KIF26B: variants seen among roughly 807,000 people sequenced by gnomAD.
KIF26B encodes kinesin-like protein KIF26B.
KIF26B carries 63 observed loss-of-function variants against 151.2 expected under a neutral mutation model. That is an observed-to-expected ratio of 0.42 (90% CI 0.34 to 0.51). KIF26B has a LOEUF of 0.51. KIF26B is among the 20% of genes least tolerant of loss of function. The pLI, the probability that KIF26B is intolerant of heterozygous loss-of-function variation, is 0.07. For missense variants in KIF26B, 2,813 were observed against 2,913.6 expected, an observed-to-expected ratio of 0.97 and a Z score of 0.79; for synonymous variants, 1,357 against 1,262.1, an observed-to-expected ratio of 1.08 and a Z score of -1.59.
At chr1:245,179,485 G>C (rs1219396497) in intron 2 of KIF26B, among the ~76,000 whole-genome samples, 1 of 152,076 alleles carries the variant, frequency 6.6e-6, no homozygotes, top group Non-Finnish European at 1.5e-5. Flanking sequence ...TTAGCCGGGC[G>C]TGGTGGTGCG....
chr1:245,381,807 A>G (rs1051730965), intron 3 of KIF26B, among the ~76,000 whole-genome samples: 17 of 150,704 alleles, frequency 1.1e-4, no homozygotes, highest in Admixed American at 2.7e-4. Flanking sequence ...TGTACCTCAT[A>G]TAAGTGGGAT....
intron 2 of KIF26B, among the ~76,000 whole-genome samples, chr1:245,251,472 T>C (rs2103565242): frequency 6.6e-6 from 1 of 152,350 alleles, no homozygotes; most frequent in South Asian, 2.1e-4. Context: ...CTTTATAATT[T>C]TAATATCATG....
At chr1:245,412,833 T>C (rs2103032621) in intron 3 of KIF26B, among the ~76,000 whole-genome samples, 1 of 152,324 alleles carries the variant, frequency 6.6e-6, no homozygotes, top group Non-Finnish European at 1.5e-5. Flanking sequence ...CTTTCACTGC[T>C]CGTTAATGGT....
At chr1:245,621,984 C>T (rs1441983470) in intron 9 of KIF26B, among the ~76,000 whole-genome samples, 1 of 152,174 alleles carries the variant, frequency 6.6e-6, no homozygotes, top group Non-Finnish European at 1.5e-5. Flanking sequence ...TGTACATTAT[C>T]CATTTTATTC....
At chr1:245,658,952 G>T (rs191783276) in intron 10 of KIF26B, among the ~76,000 whole-genome samples, 1 of 152,046 alleles carries the variant, frequency 6.6e-6, no homozygotes, top group African/African-American at 2.4e-5. Context: ...ATGATAGAGG[G>T]CACATGCAGT....
intron 4 of KIF26B, among the ~76,000 whole-genome samples, chr1:245,437,132 C>A (rs1297117711): frequency 1.3e-5 from 2 of 152,206 alleles, no homozygotes; most frequent in Non-Finnish European, 2.9e-5. Flanking sequence ...AGTGATCTGC[C>A]AGCCTTGGCC....
At chr1:245,189,799 A>G (rs1054135992) in intron 2 of KIF26B, among the ~76,000 whole-genome samples, 1 of 152,248 alleles carries the variant, frequency 6.6e-6, no homozygotes, top group African/African-American at 2.4e-5. Context: ...AGACTGGGTA[A>G]TTTATAAAGA....
intron 4 of KIF26B, among the ~76,000 whole-genome samples, chr1:245,514,217 C>T (rs988900674): frequency 6.6e-6 from 1 of 152,076 alleles, no homozygotes; most frequent in Non-Finnish European, 1.5e-5. Context: ...ATACAACTTC[C>T]ACTTGTCAGT....
Position 245,688,116 on chromosome 1 carries a change from C to A in KIF26B, c.5133C>A (p.Gly1711=), listed in dbSNP as rs1041278327. Residue 1711 remains glycine (G), a synonymous_variant, in exon 12 of 15, where the codon GGC becomes GGA. Transcript: ENST00000407071. ...GTMPRAGRSL[G]RSAGTSPPSS... is the part of the protein sequence containing the mutation. ...TGCCCCGCGCGGGGAGGAGCCTGGG[C>A]CGCAGCGCCGGGACCTCGCCCCCCA... 9 of 1,566,534 alleles carry A rather than the reference C, an allele frequency of 5.7e-6. No individual in the cohort carries two copies. In the African/African-American group the frequency reaches 1.2e-4, roughly 21 times the overall value.
Position 245,682,203 on chromosome 1 carries a change from C to T in KIF26B, c.2259-2030C>T, listed in dbSNP as rs112290692. ...GAGATTGCAGTGAGCCGAGATCGTG[C>T]CGTTGCACTCCAGCCTGGGCAACAG... On this transcript the variant is annotated intron_variant, in intron 10 of 14. Transcript: ENST00000407071. 8.5e-3 allele frequency among the ~76,000 whole-genome samples: 1,292 copies of T among 152,276 alleles called. 12 individuals carry two copies. The highest frequency in any genetic ancestry group is 0.03 in the African/African-American group (1,238 of 41,550).
chr1:245,354,853 G>T (rs1468114579), intron 2 of KIF26B, among the ~76,000 whole-genome samples: 1 of 152,230 alleles, frequency 6.6e-6, no homozygotes, highest in Admixed American at 6.5e-5. Context: ...TCAGAGGAGA[G>T]CACCTAGGCC....
intron 5 of KIF26B, among the ~76,000 whole-genome samples, chr1:245,578,873 G>A (rs1247665720): frequency 1.3e-5 from 2 of 152,160 alleles, no homozygotes; most frequent in African/African-American, 4.8e-5. Context: ...CTTTGTCTTA[G>A]TGATGCCAGA....
At chr1:245,657,848 G>T (rs1373580471) in intron 10 of KIF26B, among the ~76,000 whole-genome samples, 1 of 152,170 alleles carries the variant, frequency 6.6e-6, no homozygotes, top group East Asian at 1.9e-4. Context: ...TGTAAGATGT[G>T]TTGCATATGC....
intron 9 of KIF26B, among the ~76,000 whole-genome samples, chr1:245,622,910 C>A (rs540751525): frequency 7.5e-4 from 114 of 152,102 alleles, no homozygotes; most frequent in African/African-American, 2.6e-3. Flanking sequence ...AGGCGGCCTT[C>A]TCCGGCTGCT....
At position 245,247,457 on chromosome 1, in the gene KIF26B, TA is replaced by T. The variant is rs948117389; in HGVS notation, c.465+90782del. Among the ~76,000 whole-genome samples the T allele has an allele frequency of 3.2e-4, 49 of 151,736 alleles. 1 individual carries two copies. The highest frequency in any genetic ancestry group is 2.2e-3 in the Admixed American group (34 of 15,212). ...TGGGCGACAGAGCGAGACTGCATCT[TA>T]AAAAAAATAAAAATAAAATTTGAGA... On this transcript the variant is annotated intron_variant, in intron 2 of 14. Transcript: ENST00000407071.
chr1:245,391,647 C>A (rs1419648603), intron 3 of KIF26B, among the ~76,000 whole-genome samples: 2 of 136,288 alleles, frequency 1.5e-5, no homozygotes, highest in Non-Finnish European at 3.0e-5. Flanking sequence ...CAAAGTAAGA[C>A]CCTGACTCAA....
At chr1:245,586,602 G>A (rs1322029543) in intron 5 of KIF26B, among the ~76,000 whole-genome samples, 1 of 152,126 alleles carries the variant, frequency 6.6e-6, no homozygotes, top group East Asian at 1.9e-4. Flanking sequence ...ACATCAAACA[G>A]GCCGGGCGCG....
chr1:245,353,700 C>G (rs1672619512), intron 2 of KIF26B: 1 of 152,728 alleles, frequency 6.5e-6, no homozygotes, highest in South Asian at 2.1e-4. Flanking sequence ...CTTCCTGCTC[C>G]TCCCGCCCTC....
At chr1:245,324,874 T>C (rs1470240241) in intron 2 of KIF26B, among the ~76,000 whole-genome samples, 3 of 151,900 alleles carry the variant, frequency 2.0e-5, no homozygotes, top group Admixed American at 1.3e-4. Flanking sequence ...GTGGGCGGAT[T>C]ACCTGAGGTC....
Sources: gnomAD v4.1 joint callset for allele counts (sites outside exome capture counted in the v4.1 genomes callset) on GRCh38, gnomAD v4.1.1 for gene constraint, MANE v1.5 for transcripts, NCBI Gene and HGNC (gene_info 2026-07-23, HGNC 2026-07-21) for gene names.